Variants in OTOF observed in about 807,000 individuals in gnomAD.
OTOF encodes otoferlin, also known as fer-1-like family member 2.
OTOF carries 218 observed loss-of-function variants against 236.8 expected under a neutral mutation model. The ratio of observed to expected loss-of-function variants is 0.92; its 90% CI spans 0.82 to 1.03. The LOEUF is 1.03. Ranked by LOEUF, OTOF falls within the 50% of genes least tolerant of loss-of-function variation. The pLI, the probability that OTOF is intolerant of heterozygous loss-of-function variation, is 0.00. For missense variants in OTOF, 2,590 were observed against 2,694.4 expected, an observed-to-expected ratio of 0.96 and a Z score of 0.86; for synonymous variants, 1,041 against 1,072.5, an observed-to-expected ratio of 0.97 and a Z score of 0.57.
intron 30 of OTOF, among the ~76,000 whole-genome samples, chr2:26,472,052 C>T (rs1665005385): frequency 1.3e-5 from 2 of 151,338 alleles, no homozygotes. Context: ...CATGCACATG[C>T]TCATACCACA....
chr2:26,479,848 C>T (rs1436483848), intron 16 of OTOF, among the ~76,000 whole-genome samples, 195 bp from the exon 17 acceptor site: 4 of 152,246 alleles, frequency 2.6e-5, no homozygotes, highest in Admixed American at 1.3e-4. Context: ...GTCCTCATGA[C>T]GCCTGAGTGC....
chr2:26,543,287 C>T (rs559700864), intron 1 of OTOF, among the ~76,000 whole-genome samples: 4 of 152,218 alleles, frequency 2.6e-5, no homozygotes, highest in East Asian at 3.9e-4. Context: ...AGGTGTGCGG[C>T]CCGGCACAAC....
At chr2:26,543,152 C>T (rs1667247522) in intron 1 of OTOF, among the ~76,000 whole-genome samples, 1 of 152,168 alleles carries the variant, frequency 6.6e-6, no homozygotes, top group Non-Finnish European at 1.5e-5. Flanking sequence ...GAGTGATGGT[C>T]CTGCTGTATT....
rs1323261245 is a variant in OTOF, at chr2:26,475,817, C to T, written c.2991+97G>A. The T allele has an allele frequency of 2.0e-6, 3 of 1,485,114 alleles. No individual in the cohort carries two copies. The African/African-American group carries it at 4.2e-5, about 21-fold the overall frequency. 92.0% of individuals were successfully genotyped at this position (1,485,114 alleles called of 1,614,324 possible). A position where few individuals can be genotyped will look rare whatever the true frequency, so the allele number is the denominator to read the frequency against. On this transcript the variant is annotated intron_variant, in intron 24 of 46. Transcript: ENST00000272371. The stretch of plus-strand genomic sequence containing the variant: ...ACTGGCTGACCTGTGGCTCCAGGCC[C>T]CACAGGCTCACAGGCCCCACAGGCT...
rs750175033 is a variant in OTOF at position 26,460,847 on chromosome 2, C to T, written c.5712+5G>A. ...CCTACTGCCCGAGCAGGAAGGGGTG[C>T]GCACCGTGAGCTCAAACTCATCGTT... On this transcript the variant is annotated splice_donor_5th_base_variant and intron_variant, in intron 44 of 46. Transcript: ENST00000272371. This position sits in a 1 kb window ranked among gnomAD's most constrained non-coding sequence, Gnocchi z 5.3. The T allele has an allele frequency of 5.1e-5, 82 of 1,614,026 alleles. No homozygotes were observed. Among genetic ancestry groups the T allele is most frequent in the Non-Finnish European group, 6.2e-5 (73 of 1,179,994 alleles).
At chr2:26,539,617 C>T (rs574211755) in intron 1 of OTOF, among the ~76,000 whole-genome samples, 1 of 152,240 alleles carries the variant, frequency 6.6e-6, no homozygotes, top group Admixed American at 6.5e-5. Flanking sequence ...TGCCTGTAAT[C>T]CCAGCTACTC....
At chr2:26,463,376 T>A in intron 41 of OTOF, 107 bp downstream of exon 41, 1 of 921,698 alleles carries the variant, frequency 1.1e-6, no homozygotes, top group Non-Finnish European at 1.7e-6. Flanking sequence ...GGATGCCAAC[T>A]GGCCAAGGCC....
intron 1 of OTOF, among the ~76,000 whole-genome samples, chr2:26,545,089 C>A (rs1667300116): frequency 6.6e-6 from 1 of 151,706 alleles, no homozygotes; most frequent in South Asian, 2.1e-4. Context: ...AAATAGTTTT[C>A]TAAGGGGATT....
At chr2:26,489,350 A>T in intron 10 of OTOF, 55 bp from the exon 11 acceptor site, 1 of 1,372,582 alleles carries the variant, frequency 7.3e-7, no homozygotes, top group Non-Finnish European at 1.0e-6. Flanking sequence ...GAGGCTTTCC[A>T]TGGGGCAGTG....
intron 10 of OTOF, 45 bp from the exon 11 acceptor site, chr2:26,489,340 G>T: frequency 6.7e-7 from 1 of 1,482,110 alleles, no homozygotes; most frequent in Non-Finnish European, 9.3e-7. Flanking sequence ...CAGCAAGGGT[G>T]AGGCTTTCCA....
chr2:26,512,309 C>T lies in OTOF; in HGVS notation c.509+4109G>A, dbSNP rs546207376. Among the ~76,000 whole-genome samples the T allele has an allele frequency of 1.2e-4, 19 of 152,352 alleles. 1 individual carries two copies. Among genetic ancestry groups the T allele is most frequent in the Middle Eastern group, 3.4e-3 (1 of 294 alleles). On this transcript the variant is annotated intron_variant, in intron 5 of 46. Coordinates refer to ENST00000272371, the MANE Select transcript of OTOF (RefSeq NM_194248.3). ...AAGCTGGGATTTCTTTCTTTGTCCT[C>T]TCTAAGATGTGACTCCTAAAGACAG...
Position 26,460,681 on chromosome 2 carries a change from C to A in OTOF, c.5779G>T (p.Ala1927Ser). 6.2e-7 allele frequency: 1 copy of A among 1,614,102 alleles called. No homozygotes were observed. Among genetic ancestry groups the A allele is most frequent in the Non-Finnish European group, 8.5e-7 (1 of 1,179,992 alleles). ...EEAEKNPVGLARNEPDPLEKP... is the reference protein window; with the variant it reads ...EEAEKNPVGLSRNEPDPLEKP... The stretch of plus-strand genomic sequence containing the variant: ...TCTAGGGGGTCAGGTTCATTGCGGG[C>A]CAGGCCCACTGGGTTCTTCTCTGCC... The change falls in exon 45 of 47, where the codon GCC becomes TCC. Residue 1927 changes from alanine to serine, a missense_variant. Physicochemically the swap from Ala to Ser is moderately conservative, Grantham distance 99. Around this residue, in one of 2 missense-constraint regions of OTOF, gnomAD observed 1,211 missense variants for 1,352.8 expected, o/e 0.90. Transcript: ENST00000272371. The surrounding 1 kb of genome is among the most constrained non-coding windows in gnomAD (Gnocchi z 5.3).
At position 26,476,817 on chromosome 2, in the gene OTOF, C is replaced by A; in HGVS notation, c.2676+74G>T. 13 of 1,417,442 alleles carry A rather than the reference C, an allele frequency of 9.2e-6. No individual in the cohort carries two copies. In the South Asian group the frequency reaches 1.5e-4, roughly 16 times the overall value. 87.8% of individuals were successfully genotyped at this position (1,417,442 alleles called of 1,614,324 possible). Reference sequence around the variant, plus strand: ...TGAAGGCCCCACCCTGTCACTCAGGCTTCCAGCCCCAGGTGGGGGCTGCTG... The same window carrying A: ...TGAAGGCCCCACCCTGTCACTCAGGATTCCAGCCCCAGGTGGGGGCTGCTG... On this transcript the variant is annotated intron_variant, in intron 22 of 46. Transcript: ENST00000272371.
At position 26,484,595 on chromosome 2, in the gene OTOF, G is replaced by C. The variant is rs759628051; in HGVS notation, c.1084C>G (p.Pro362Ala). 6.2e-7 allele frequency: 1 copy of C among 1,613,922 alleles called. No individual in the cohort carries two copies. Among genetic ancestry groups the C allele is most frequent in the Non-Finnish European group, 8.5e-7 (1 of 1,180,018 alleles). ...TTCAGCCCCGAGGAGATGTCATCGG[G>C]GTCAGACAGGATGGCCCACTTGTGA... is the stretch of plus-strand genomic sequence containing the variant. ...FHHKWAILSDPDDISSGLKGY... is the reference protein window; with the variant it reads ...FHHKWAILSDADDISSGLKGY... Residue 362 changes from proline to alanine, a missense_variant, in exon 12 of 47, where the codon CCC becomes GCC. Pro to Ala is a conservative substitution (Grantham distance 27, BLOSUM62 -1). Around this residue, in one of 2 missense-constraint regions of OTOF, gnomAD observed 1,379 missense variants for 1,341.6 expected, o/e 1.03. Coordinates refer to ENST00000272371, the MANE Select transcript of OTOF (RefSeq NM_194248.3).
intron 1 of OTOF, among the ~76,000 whole-genome samples, chr2:26,551,171 G>A (rs1408231563): frequency 6.6e-6 from 1 of 152,174 alleles, no homozygotes; most frequent in Non-Finnish European, 1.5e-5. Flanking sequence ...TGTGTTTTTA[G>A]TAGAGATGTG....
At chr2:26,555,327 C>T (rs77303882) in intron 1 of OTOF, among the ~76,000 whole-genome samples, 5,157 of 152,284 alleles carry the variant, frequency 0.034, 300 homozygotes, top group East Asian at 0.21. Context: ...AATAGAGATT[C>T]GCCCAGGACT....
intron 3 of OTOF, among the ~76,000 whole-genome samples, chr2:26,520,654 A>T (rs1447291983): frequency 6.6e-6 from 1 of 152,234 alleles, no homozygotes; most frequent in Non-Finnish European, 1.5e-5. Context: ...CAGCTCAGGC[A>T]GTGCCCCAGA....
rs755740686 is a variant in OTOF, at chr2:26,477,306, T to C, written c.2407-18A>G. Reference sequence around the variant, plus strand: ...ATGTTTTCCTGCGAAGGAGGGGGTGTCAGTGAACCCAGCAACTGGGGGACA... The same window carrying C: ...ATGTTTTCCTGCGAAGGAGGGGGTGCCAGTGAACCCAGCAACTGGGGGACA... On this transcript the variant is annotated intron_variant, in intron 20 of 46. Coordinates refer to ENST00000272371, the MANE Select transcript of OTOF (RefSeq NM_194248.3). This position sits in a 1 kb window ranked among gnomAD's most constrained non-coding sequence, Gnocchi z 4.7. The C allele has an allele frequency of 1.2e-6, 2 of 1,606,756 alleles. No homozygotes were observed. The highest frequency in any genetic ancestry group is 2.2e-5 in the South Asian group (2 of 90,164).
rs574289961 is a variant in OTOF at position 26,511,187 on chromosome 2, T to C, written c.509+5231A>G. 2.6e-5 allele frequency among the ~76,000 whole-genome samples: 4 copies of C among 152,130 alleles called. No homozygotes were observed. In the East Asian group the frequency reaches 5.8e-4, roughly 22 times the overall value. On this transcript the variant is annotated intron_variant, in intron 5 of 46. Coordinates refer to ENST00000272371, the MANE Select transcript of OTOF (RefSeq NM_194248.3). ...CCCCTGCTCCCCTGCTCCCCTCCAATGGGGTGGGAGCTCCCAGGCTCTGGG... is the reference window on the plus strand; with the variant it reads ...CCCCTGCTCCCCTGCTCCCCTCCAACGGGGTGGGAGCTCCCAGGCTCTGGG...
Sources: gnomAD v4.1 joint callset for allele counts (sites outside exome capture counted in the v4.1 genomes callset) on GRCh38, gnomAD v4.1.1 for gene constraint, gnomAD v4.1.1 regional missense constraint, Gnocchi (gnomAD v3.1) non-coding constraint, MANE v1.5 for transcripts, NCBI Gene and HGNC (gene_info 2026-07-23, HGNC 2026-07-21) for gene names.